Variants in RNF157 observed in about 807,000 individuals in gnomAD.
The protein encoded by RNF157 is ring finger protein 157.
RNF157 carries 55 observed loss-of-function variants against 88.3 expected under a neutral mutation model. The observed-to-expected ratio is 0.62, with a 90% CI of 0.50 to 0.78. The LOEUF is 0.78. RNF157 is among the 30% of genes least tolerant of loss of function. The pLI is 0.00. For synonymous variants in RNF157, 334 were observed against 341.2 expected (o/e 0.98, Z 0.23); for missense variants, 788 against 860.8 (o/e 0.92, Z 1.06).
chr17:76,145,776 G>T (rs535050520), intron 18 of RNF157, among the ~76,000 whole-genome samples: 1 of 152,204 alleles, frequency 6.6e-6, no homozygotes, highest in African/African-American at 2.4e-5. Flanking sequence ...AAGACTGTTC[G>T]TTCTGGCCGA....
rs1766317099 is a variant in RNF157 at position 76,195,140 on chromosome 17, A to G, written c.207+17224T>C. 6.6e-6 allele frequency among the ~76,000 whole-genome samples: 1 copy of G among 152,236 alleles called. No homozygotes were observed. Among genetic ancestry groups the G allele is most frequent in the Non-Finnish European group, 1.5e-5 (1 of 68,044 alleles). The stretch of plus-strand genomic sequence containing the variant: ...GGAGAACAGAAAGGGCCGAAATCCC[A>G]AATGGCAGAAACATATTCATGTCAC... On this transcript the variant is annotated intron_variant, in intron 2 of 18. Transcript: ENST00000269391. This position sits in a 1 kb window ranked among gnomAD's most constrained non-coding sequence, Gnocchi z 4.4.
chr17:76,211,905 A>C (rs577888298), intron 2 of RNF157: 1 of 152,794 alleles, frequency 6.5e-6, no homozygotes, highest in South Asian at 2.1e-4. Context: ...ACAATCATTT[A>C]TTAAGGGCTT....
At chr17:76,162,673 CAAG>C in intron 8 of RNF157, 50 bp from the exon 9 acceptor site, 1 of 1,371,140 alleles carries the variant, frequency 7.3e-7, no homozygotes, top group Non-Finnish European at 1.0e-6. Context: ...TACTGAGAGA[CAAG>C]AGTGGGAACT....
At chr17:76,148,032 G>C (rs1183105238) in intron 18 of RNF157, among the ~76,000 whole-genome samples, 1 of 152,134 alleles carries the variant, frequency 6.6e-6, no homozygotes, top group Non-Finnish European at 1.5e-5. Context: ...TCTTTGTAGA[G>C]TTGCTCTCCA....
chr17:76,156,105 A>T, intron 14 of RNF157, 105 bp downstream of exon 14: 1 of 834,808 alleles, frequency 1.2e-6, no homozygotes, highest in South Asian at 1.6e-5. Context: ...CATGCAGTAC[A>T]GGTATTAGCT....
chr17:76,217,227 C>G (rs1419317982), intron 1 of RNF157, among the ~76,000 whole-genome samples: 1 of 152,046 alleles, frequency 6.6e-6, no homozygotes, highest in Non-Finnish European at 1.5e-5. Flanking sequence ...CCAGGCTGGT[C>G]TCAAACTCCT....
rs868576392 is a variant in RNF157 at position 76,160,345 on chromosome 17, G to C, written c.1066-772C>G. Among the ~76,000 whole-genome samples, 41 of 150,992 alleles carry C rather than the reference G, an allele frequency of 2.7e-4. No homozygotes were observed. Among genetic ancestry groups the C allele is most frequent in the African/African-American group, 1.0e-3 (41 of 40,848 alleles). ...GATGATGAGGTATAAATGTTTTTAAGGCCTTGATATATACTGCTGTTTTCT... is the reference window on the plus strand; with the variant it reads ...GATGATGAGGTATAAATGTTTTTAACGCCTTGATATATACTGCTGTTTTCT... On this transcript the variant is annotated intron_variant, in intron 11 of 18. Coordinates refer to ENST00000269391, the MANE Select transcript of RNF157 (RefSeq NM_052916.3). This position sits in a 1 kb window ranked among gnomAD's most constrained non-coding sequence, Gnocchi z 4.3.
At chr17:76,173,876 C>T (rs1025559501) in intron 2 of RNF157, 86 bp from the exon 3 acceptor site, 2 of 1,125,562 alleles carry the variant, frequency 1.8e-6, no homozygotes, top group Non-Finnish European at 2.6e-6. Flanking sequence ...AAGAATAGCC[C>T]TAAGAGGTGA....
intron 2 of RNF157, among the ~76,000 whole-genome samples, chr17:76,206,424 T>C (rs1006536869): frequency 1.3e-5 from 2 of 152,144 alleles, no homozygotes; most frequent in African/African-American, 4.8e-5. Context: ...TTGTAACTGA[T>C]TCACAGATAC....
chr17:76,185,471 C>CTCTCTTTTTTTTTTTTT (rs1214764584), intron 2 of RNF157, among the ~76,000 whole-genome samples: 1 of 144,368 alleles, frequency 6.9e-6, no homozygotes, highest in African/African-American at 2.7e-5. Flanking sequence ...GAGATTAGTC[C>CTCTCTTTTTTTTTTTTT]TTTCTTTTTT....
intron 1 of RNF157, chr17:76,226,558 A>G (rs1396494349): frequency 5.0e-6 from 8 of 1,613,482 alleles, no homozygotes; most frequent in Non-Finnish European, 6.8e-6. Flanking sequence ...CCAACATCCA[A>G]TGTGTCCCAG....
chr17:76,239,679 G>T (rs960930636), intron 1 of RNF157, among the ~76,000 whole-genome samples: 4 of 152,160 alleles, frequency 2.6e-5, no homozygotes, highest in South Asian at 2.1e-4. Context: ...GCCAGGAGAC[G>T]GCAGCGCAGG....
intron 2 of RNF157, among the ~76,000 whole-genome samples, chr17:76,188,192 C>T (rs567214936): frequency 6.6e-6 from 1 of 152,098 alleles, no homozygotes; most frequent in African/African-American, 2.4e-5. Context: ...ATGGTGAACA[C>T]CCATACTCTA....
chr17:76,173,240 T>C (rs1288932595), intron 3 of RNF157, among the ~76,000 whole-genome samples: 1 of 151,488 alleles, frequency 6.6e-6, no homozygotes, highest in Non-Finnish European at 1.5e-5. Flanking sequence ...GAGCCGAGAT[T>C]GCGCCACTGC....
At chr17:76,170,271 A>G (rs1182262697) in intron 3 of RNF157, among the ~76,000 whole-genome samples, 1 of 152,068 alleles carries the variant, frequency 6.6e-6, no homozygotes, top group African/African-American at 2.4e-5. Flanking sequence ...ACTCTTGCCC[A>G]GGCTGGAGTG....
At chr17:76,205,954 G>T (rs1217559562) in intron 2 of RNF157, among the ~76,000 whole-genome samples, 1 of 152,142 alleles carries the variant, frequency 6.6e-6, no homozygotes, top group Non-Finnish European at 1.5e-5. Flanking sequence ...CAGAGGTGGG[G>T]CACAGTGGCT....
rs1389989542 is a variant in RNF157, at chr17:76,152,482, G to A, written c.1811-17C>T. On this transcript the variant is annotated splice_polypyrimidine_tract_variant and intron_variant, in intron 17 of 18. Transcript: ENST00000269391. ...TCCTCTGGCCTGTAACGGAGTTAAT[G>A]CAGTTAGAGAGGGGCTGGCTGTGTT... 11 of 1,521,360 alleles carry A rather than the reference G, an allele frequency of 7.2e-6. No individual in the cohort carries two copies. The highest frequency in any genetic ancestry group is 2.2e-5 in the South Asian group (2 of 89,164). 94.2% of individuals were successfully genotyped at this position (1,521,360 alleles called of 1,614,324 possible).
intron 2 of RNF157, among the ~76,000 whole-genome samples, chr17:76,204,633 G>A (rs1485352580): frequency 6.6e-6 from 1 of 152,160 alleles, no homozygotes; most frequent in African/African-American, 2.4e-5. Flanking sequence ...ATACTACCAA[G>A]TTCCTTTAAA....
At chr17:76,167,199 A>G (rs1482128450) in intron 4 of RNF157, 73 bp from the exon 5 acceptor site, 4 of 1,028,642 alleles carry the variant, frequency 3.9e-6, no homozygotes, top group Non-Finnish European at 6.0e-6. Context: ...TCCTCTGCTC[A>G]TGCCTGTTCT....
Sources: gnomAD v4.1 joint callset for allele counts (sites outside exome capture counted in the v4.1 genomes callset) on GRCh38, gnomAD v4.1.1 for gene constraint, Gnocchi (gnomAD v3.1) non-coding constraint, MANE v1.5 for transcripts, NCBI Gene and HGNC (gene_info 2026-07-23, HGNC 2026-07-21) for gene names.